The following HNF4G variants were observed in gnomAD, a reference collection of about 807,000 sequenced individuals.
HNF4G encodes hepatocyte nuclear factor 4 gamma.
Under a neutral mutation model 50.9 loss-of-function variants are expected in HNF4G, and 21 were observed. The ratio of observed to expected loss-of-function variants is 0.41; its 90% CI spans 0.29 to 0.59. The LOEUF is 0.59. Ranked by LOEUF, HNF4G falls within the 20% of genes least tolerant of loss-of-function variation. The pLI, the probability that HNF4G is intolerant of heterozygous loss-of-function variation, is 0.26. For missense variants in HNF4G, 527 were observed against 559.4 expected (o/e 0.94, Z 0.58); for synonymous variants, 198 against 185.6 (o/e 1.07, Z -0.54).
At chr8:75,464,312 T>C (rs1811918538) in intron 1 of HNF4G, among the ~76,000 whole-genome samples, 1 of 152,146 alleles carries the variant, frequency 6.6e-6, no homozygotes, top group Non-Finnish European at 1.5e-5. Context: ...CTTAATATAA[T>C]ACCATTCCAA....
intron 2 of HNF4G, among the ~76,000 whole-genome samples, chr8:75,529,854 A>T (rs190373190): frequency 2.0e-5 from 3 of 152,238 alleles, no homozygotes; most frequent in South Asian, 4.1e-4. Context: ...TTTAATTTTT[A>T]AAAATATTTA....
intron 1 of HNF4G, among the ~76,000 whole-genome samples, chr8:75,471,275 A>C (rs2130632813): frequency 6.6e-6 from 1 of 152,302 alleles, no homozygotes; most frequent in Admixed American, 6.5e-5. Flanking sequence ...TGAACAGAAA[A>C]GCAGGCATAT....
At chr8:75,530,358 C>T (rs1467309635) in intron 2 of HNF4G, among the ~76,000 whole-genome samples, 1 of 151,730 alleles carries the variant, frequency 6.6e-6, no homozygotes, top group African/African-American at 2.4e-5. Flanking sequence ...CCTTACACTG[C>T]TGTGTGACTC....
chr8:75,466,559 CTCTTT>C (rs1205780496), intron 1 of HNF4G, among the ~76,000 whole-genome samples: 1 of 145,442 alleles, frequency 6.9e-6, no homozygotes, highest in African/African-American at 2.5e-5. Flanking sequence ...TTCTTCTCTT[CTCTTT>C]TCTCGCTCCT....
chr8:75,520,416 G>T (rs543433715), intron 2 of HNF4G, among the ~76,000 whole-genome samples: 5 of 150,194 alleles, frequency 3.3e-5, no homozygotes, highest in African/African-American at 1.2e-4. Context: ...TTTCTTTCTC[G>T]TTCTTTCTTT....
chr8:75,551,415 G>A lies in HNF4G; in HGVS notation c.410G>A (p.Ser137Asn). The change falls in exon 4 of 10, where the codon AGC (serine) becomes AAC (asparagine). Residue 137 changes from serine (S) to asparagine (N), a missense_variant. Ser to Asn is a conservative substitution (Grantham distance 46). This residue lies in a region of HNF4G where 128 missense variants were observed against 135.3 expected (regional missense o/e 0.95). Coordinates refer to ENST00000396423, the MANE Select transcript of HNF4G (RefSeq NM_004133.5). ...EAVQNERDRI[S>N]TRRSTFDGSN... The stretch of plus-strand genomic sequence containing the variant: ...GTACAAAATGAACGTGACAGAATAA[G>A]CACCAGAAGAAGCACATTTGATGGC... 1 of 1,612,318 alleles carries A rather than the reference G, an allele frequency of 6.2e-7. No homozygotes were observed. Among genetic ancestry groups the A allele is most frequent in the Non-Finnish European group, 8.5e-7 (1 of 1,178,610 alleles).
At position 75,539,954 on chromosome 8, in the gene HNF4G, T is replaced by A; in HGVS notation, c.-9T>A. 1.0e-5 allele frequency: 13 copies of A among 1,242,564 alleles called. No homozygotes were observed. Among genetic ancestry groups the A allele is most frequent in the Non-Finnish European group, 1.5e-5 (13 of 842,652 alleles). The allele number at this position is 1,242,564 out of a possible 1,614,324, so 77.0% of individuals were successfully genotyped here. A position where few individuals can be genotyped will look rare whatever the true frequency, so the allele number is the denominator to read the frequency against. The stretch of plus-strand genomic sequence containing the variant: ...TTGTGGTGCCACTTGTATGTGTGTT[T>A]CTAAATCAATGATGAGGGTATCAGA... On this transcript the variant is annotated 5_prime_UTR_variant, in exon 1 of 10. Coordinates refer to ENST00000396423, the MANE Select transcript of HNF4G (RefSeq NM_004133.5).
At chr8:75,555,515 C>A (rs1349271514) in intron 5 of HNF4G, among the ~76,000 whole-genome samples, 2 of 152,006 alleles carry the variant, frequency 1.3e-5, no homozygotes, top group Non-Finnish European at 2.9e-5. Context: ...TTATTACGTG[C>A]AGGAGATTAT....
At chr8:75,530,031 A>T (rs567184587) in intron 2 of HNF4G, among the ~76,000 whole-genome samples, 2 of 152,194 alleles carry the variant, frequency 1.3e-5, no homozygotes, top group East Asian at 3.9e-4. Context: ...CCTGCTCTAG[A>T]TGTGAACCTG....
At chr8:75,424,248 T>C (rs1411242249) in intron 1 of HNF4G, among the ~76,000 whole-genome samples, 1 of 152,228 alleles carries the variant, frequency 6.6e-6, no homozygotes, top group Non-Finnish European at 1.5e-5. Flanking sequence ...AAGTAATATT[T>C]AGCATTATCT....
At chr8:75,428,404 T>G (rs1282790914) in intron 1 of HNF4G, among the ~76,000 whole-genome samples, 1 of 152,172 alleles carries the variant, frequency 6.6e-6, no homozygotes, top group African/African-American at 2.4e-5. Context: ...GGCAGTAATA[T>G]GTTAGGTAAT....
intron 1 of HNF4G, among the ~76,000 whole-genome samples, chr8:75,445,477 C>A (rs373281359): frequency 3.3e-3 from 49 of 14,994 alleles, no homozygotes; most frequent in African/African-American, 0.015. Flanking sequence ...TTCAAAAAAT[C>A]AATGAATCCA....
intron 1 of HNF4G, among the ~76,000 whole-genome samples, chr8:75,434,399 T>C (rs554116010): frequency 6.6e-6 from 1 of 152,114 alleles, no homozygotes; most frequent in South Asian, 2.1e-4. Flanking sequence ...CCATCTGGAA[T>C]ACCACTGAAG....
intron 2 of HNF4G, among the ~76,000 whole-genome samples, chr8:75,494,906 G>C (rs1812729247): frequency 6.6e-6 from 1 of 152,056 alleles, no homozygotes; most frequent in African/African-American, 2.4e-5. Flanking sequence ...TTTGAATTAT[G>C]ACCTGCTATC....
At chr8:75,422,774 C>T (rs1810803390) in intron 1 of HNF4G, among the ~76,000 whole-genome samples, 1 of 152,058 alleles carries the variant, frequency 6.6e-6, no homozygotes, top group Non-Finnish European at 1.5e-5. Flanking sequence ...GCTGGGAGTA[C>T]AGGCGCCCGC....
At chr8:75,434,375 T>C (rs1322767967) in intron 1 of HNF4G, among the ~76,000 whole-genome samples, 1 of 151,866 alleles carries the variant, frequency 6.6e-6, no homozygotes, top group African/African-American at 2.4e-5. Context: ...ATCATGAAAA[T>C]GCCACATATC....
chr8:75,493,064 C>T (rs941433839), intron 2 of HNF4G, among the ~76,000 whole-genome samples: 1 of 151,710 alleles, frequency 6.6e-6, no homozygotes, highest in East Asian at 1.9e-4. Context: ...TGTATGTAGT[C>T]ATATACATAT....
chr8:75,492,822 A>G (rs536943769), intron 2 of HNF4G, among the ~76,000 whole-genome samples: 13 of 152,230 alleles, frequency 8.5e-5, no homozygotes, highest in African/African-American at 2.6e-4. Context: ...ATTATAAGCA[A>G]GGAGGCTGAT....
intron 2 of HNF4G, among the ~76,000 whole-genome samples, chr8:75,495,833 CACACTACATATGCAGTATA>C: frequency 1.3e-5 from 2 of 152,184 alleles, no homozygotes; most frequent in African/African-American, 4.8e-5. Flanking sequence ...TACAAACATA[CACACTACATATGCAGTATA>C]AAGAATAATA....
Sources: gnomAD v4.1 joint callset for allele counts (sites outside exome capture counted in the v4.1 genomes callset) on GRCh38, gnomAD v4.1.1 for gene constraint, gnomAD v4.1.1 regional missense constraint, MANE v1.5 for transcripts, NCBI Gene and HGNC (gene_info 2026-07-23, HGNC 2026-07-21) for gene names.